CTSB: variants seen among roughly 807,000 people sequenced by gnomAD.
The protein encoded by CTSB is APP secretase.
CTSB carries 57 observed loss-of-function variants against 44.3 expected under a neutral mutation model. The observed-to-expected ratio is 1.29, with a 90% CI of 1.04 to 1.60. The LOEUF is 1.60. CTSB is among the 40% of genes most tolerant of loss of function. The pLI is 0.00. For missense variants in CTSB, 768 were observed against 443.0 expected (o/e 1.73, Z -6.59); for synonymous variants, 320 against 168.0 (o/e 1.91, Z -7.00).
intron 1 of CTSB, among the ~76,000 whole-genome samples, chr8:11,858,536 C>T (rs1451983703): frequency 3.3e-5 from 5 of 152,182 alleles, no homozygotes; most frequent in East Asian, 1.9e-4. Context: ...GTGATCTGCC[C>T]GCCTTGGCCT....
intron 1 of CTSB, 23 bp from the exon 2 acceptor site, chr8:11,853,502 G>C: frequency 6.3e-7 from 1 of 1,595,676 alleles, no homozygotes; most frequent in Non-Finnish European, 8.5e-7. Flanking sequence ...GAGGGCATCA[G>C]GACACCTCTC....
intron 1 of CTSB, 33 bp from the exon 2 acceptor site, chr8:11,853,512 C>G (rs1814981752): frequency 7.6e-6 from 12 of 1,581,044 alleles, no homozygotes; most frequent in Non-Finnish European, 8.6e-6. Flanking sequence ...GGACACCTCT[C>G]TGTTATGTGG....
Position 11,844,861 on chromosome 8 carries a change from G to C in CTSB, c.*264C>G, listed in dbSNP as rs896474403. ...TCACGGAGGGGGCCACAGTCAGCTG[G>C]GGCAGCAGGTACTCCCTACGGCACT... On this transcript the variant is annotated 3_prime_UTR_variant, in exon 10 of 10. Coordinates refer to ENST00000353047, the MANE Select transcript of CTSB (RefSeq NM_001908.5). 4.1e-5 allele frequency: 18 copies of C among 442,876 alleles called. No individual in the cohort carries two copies. The East Asian group carries it at 4.6e-4, about 11-fold the overall frequency. 27.4% of individuals were successfully genotyped at this position (442,876 alleles called of 1,614,324 possible). A position where few individuals can be genotyped will look rare whatever the true frequency, so the allele number is the denominator to read the frequency against.
At chr8:11,866,143 A>C (rs1817115569) in intron 1 of CTSB, among the ~76,000 whole-genome samples, 2 of 152,200 alleles carry the variant, frequency 1.3e-5, no homozygotes, top group African/African-American at 4.8e-5. Flanking sequence ...AGAGCAACAG[A>C]AAATATCTGT....
chr8:11,849,579 GT>G (rs376850621), intron 4 of CTSB: 168 of 143,858 alleles, frequency 1.2e-3, no homozygotes, highest in South Asian at 2.6e-3. Context: ...TGTGTGTGTG[GT>G]TTTTTTTTTT....
intron 5 of CTSB, 44 bp downstream of exon 5, chr8:11,849,002 G>A (rs559873033): frequency 1.4e-6 from 2 of 1,442,916 alleles, no homozygotes; most frequent in Admixed American, 1.7e-5. Context: ...GGGGCCCAGG[G>A]TCTCTCAGCA....
At chr8:11,857,370 G>T (rs1815680884) in intron 1 of CTSB, among the ~76,000 whole-genome samples, 1 of 152,082 alleles carries the variant, frequency 6.6e-6, no homozygotes, top group African/African-American at 2.4e-5. Flanking sequence ...TGGGTAGGCA[G>T]CGTCTCACGT....
intron 8 of CTSB, among the ~76,000 whole-genome samples, 195 bp downstream of exon 8, chr8:11,846,857 C>T (rs986407430): frequency 3.3e-5 from 5 of 152,082 alleles, no homozygotes; most frequent in African/African-American, 1.2e-4. Flanking sequence ...GTTGGCACAA[C>T]ACCTGGACAA....
At chr8:11,859,886 A>C (rs1198702265) in intron 1 of CTSB, among the ~76,000 whole-genome samples, 1 of 151,632 alleles carries the variant, frequency 6.6e-6, no homozygotes, top group Non-Finnish European at 1.5e-5. Context: ...CAGCCTGGCC[A>C]ACATGGTGAA....
At chr8:11,845,838 G>GCCCCACAGCACC (rs1563378916) in intron 8 of CTSB, 49 bp from the exon 9 acceptor site, 4 of 1,555,402 alleles carry the variant, frequency 2.6e-6, no homozygotes. Flanking sequence ...ACTGTCCCAC[G>GCCCCACAGCACC]CCCCACAGCA....
intron 5 of CTSB, 85 bp from the exon 6 acceptor site, chr8:11,848,237 C>T (rs751653549): frequency 1.6e-5 from 20 of 1,258,862 alleles, no homozygotes; most frequent in South Asian, 9.6e-5. Flanking sequence ...GTGCCCGAGG[C>T]CACTCGTGGA....
Position 11,844,345 on chromosome 8 carries a change from A to C in CTSB, c.*780T>G, listed in dbSNP as rs370362960. On this transcript the variant is annotated 3_prime_UTR_variant, in exon 10 of 10. Coordinates refer to ENST00000353047, the MANE Select transcript of CTSB (RefSeq NM_001908.5). The stretch of plus-strand genomic sequence containing the variant: ...CAAGTTGGAGAAAACTTTTATTGGC[A>C]CAGGCATTCCTTGTTAACTTGACAG... The C allele has an allele frequency of 6.6e-6, 1 of 152,210 alleles. No individual in the cohort carries two copies. Among genetic ancestry groups the C allele is most frequent in the African/African-American group, 2.4e-5 (1 of 41,456 alleles). The allele number at this position is 152,210 out of a possible 1,614,324, so 9.4% of individuals were successfully genotyped here. A position where few individuals can be genotyped will look rare whatever the true frequency, so the allele number is the denominator to read the frequency against.
intron 2 of CTSB, 146 bp from the exon 3 acceptor site, chr8:11,852,841 C>T (rs1011365201): frequency 1.8e-5 from 12 of 684,970 alleles, no homozygotes; most frequent in Non-Finnish European, 2.7e-5. Context: ...GGGGAACAGC[C>T]CAGAGTGACA....
chr8:11,854,314 C>A (rs1021712285), intron 1 of CTSB, among the ~76,000 whole-genome samples: 1 of 152,154 alleles, frequency 6.6e-6, no homozygotes, highest in Non-Finnish European at 1.5e-5. Flanking sequence ...GGTGTTCTAC[C>A]TCCCACAGGT....
At chr8:11,853,639 C>A (rs1172714296) in intron 1 of CTSB, 160 bp from the exon 2 acceptor site, 2 of 700,370 alleles carry the variant, frequency 2.9e-6, no homozygotes, top group African/African-American at 3.6e-5. Flanking sequence ...ATCCCCGCCC[C>A]CCTGCCCGAA....
chr8:11,847,765 G>A lies in CTSB; in HGVS notation c.590C>T (p.Pro197Leu), dbSNP rs1244585520. 1.9e-6 allele frequency: 3 copies of A among 1,601,182 alleles called. No individual in the cohort carries two copies. Among genetic ancestry groups the A allele is most frequent in the Non-Finnish European group, 2.6e-6 (3 of 1,176,164 alleles). Residue 197 changes from proline (P) to leucine (L), a missense_variant, in exon 7 of 10, where the codon CCA (proline) becomes CTA (leucine). Coordinates refer to ENST00000353047, the MANE Select transcript of CTSB (RefSeq NM_001908.5). ...CEHHVNGSRP[P>L]CTGEGDTPKC... ...GGGGGTATCTCCCTCCCCCGTGCAT[G>A]GGGGCCGGGAGCCGTTGACGTGGTG...
At position 11,852,669 on chromosome 8, in the gene CTSB, G is replaced by A. The variant is rs139610342; in HGVS notation, c.153C>T (p.Asp51=). 3 of 1,613,948 alleles carry A rather than the reference G, an allele frequency of 1.9e-6. No individual in the cohort carries two copies. Among genetic ancestry groups the A allele is most frequent in the African/African-American group, 1.3e-5 (1 of 74,950 alleles). Residue 51 remains aspartate, a synonymous_variant, in exon 3 of 10, where the codon GAC becomes GAT. Transcript: ENST00000353047. ...WQAGHNFYNV[D]MSYLKRLCGT... ...CACATAGCCTCTTCAAGTAGCTCAT[G>A]TCCACGTTGTAGAAGTTGTGCCCGG...
chr8:11,858,302 T>C (rs1815852107), intron 1 of CTSB, among the ~76,000 whole-genome samples: 1 of 152,214 alleles, frequency 6.6e-6, no homozygotes, highest in Non-Finnish European at 1.5e-5. Flanking sequence ...TTTGTTTTTT[T>C]TGTTTGTTTT....
chr8:11,860,281 G>C (rs780045252), intron 1 of CTSB, among the ~76,000 whole-genome samples: 1 of 152,100 alleles, frequency 6.6e-6, no homozygotes, highest in African/African-American at 2.4e-5. Context: ...TTCCTCATTC[G>C]TTGGTGCTGT....
Sources: allele counts gnomAD v4.1 joint callset (sites outside exome capture counted in the v4.1 genomes callset), GRCh38; gene constraint gnomAD v4.1.1; transcripts MANE v1.5; gene names NCBI Gene and HGNC (gene_info 2026-07-23, HGNC 2026-07-21).